Variants in DIAPH2 observed in about 807,000 individuals in gnomAD.
The protein encoded by DIAPH2 is diaphanous related formin 2.
In DIAPH2, 35 loss-of-function variants were observed where a neutral mutation model predicts 92.7. That is an observed-to-expected ratio of 0.38 (90% confidence interval 0.29 to 0.50). DIAPH2 has a LOEUF of 0.50. Ranked by LOEUF, DIAPH2 falls within the 20% of genes least tolerant of loss-of-function variation. The pLI is 0.94. For missense variants in DIAPH2, 701 were observed against 819.5 expected, an observed-to-expected ratio of 0.86 and a Z score of 1.77; for synonymous variants, 301 against 280.4, an observed-to-expected ratio of 1.07 and a Z score of -0.73.
intron 4 of DIAPH2, among the ~76,000 whole-genome samples, chrX:96,808,629 C>T (rs1027467635): frequency 7.2e-5 from 8 of 111,883 alleles, no homozygotes; most frequent in Admixed American, 6.6e-4. Context: ...GAGGCCTGCA[C>T]AGTAAGCAAT....
chrX:97,352,126 G>A lies in DIAPH2; in HGVS notation c.3009+3846G>A, dbSNP rs1256672779. 3.6e-5 allele frequency among the ~76,000 whole-genome samples: 4 copies of A among 111,067 alleles called. No individual in the cohort carries two copies. In the East Asian group the frequency reaches 8.4e-4, roughly 23 times the overall value. ...AAAGCATATTGGACTATAGATGGAA[G>A]CAATAAAATACCAGTAGTGCTGAGA... On this transcript the variant is annotated intron_variant, in intron 24 of 26. Coordinates refer to ENST00000324765, the MANE Select transcript of DIAPH2 (RefSeq NM_006729.5).
chrX:96,712,809 T>C (rs1004529029), intron 1 of DIAPH2, among the ~76,000 whole-genome samples: 1 of 111,667 alleles, frequency 9.0e-6, no homozygotes, highest in Admixed American at 9.5e-5. Flanking sequence ...TGATCATTGA[T>C]TTGAAAAATT....
At chrX:97,388,007 G>T (rs990573714) in intron 25 of DIAPH2, among the ~76,000 whole-genome samples, 1 of 111,718 alleles carries the variant, frequency 9.0e-6, no homozygotes, top group African/African-American at 3.3e-5. Flanking sequence ...ATCGGCTTGG[G>T]GATCATTGGT....
At chrX:96,688,576 A>T (rs140003682) in intron 1 of DIAPH2, among the ~76,000 whole-genome samples, 1,465 of 111,744 alleles carry the variant, frequency 0.013, 26 homozygotes, top group African/African-American at 0.046. Context: ...ACCTCAAGTG[A>T]TCCACCCACC....
chrX:97,172,562 A>G (rs1434698835), intron 22 of DIAPH2, among the ~76,000 whole-genome samples: 3 of 111,997 alleles, frequency 2.7e-5, no homozygotes, highest in Non-Finnish European at 3.8e-5. Flanking sequence ...GTAAGATAAA[A>G]TGTTCTTTAC....
intron 24 of DIAPH2, among the ~76,000 whole-genome samples, chrX:97,375,317 G>A (rs1159837293): frequency 4.5e-5 from 5 of 111,149 alleles, no homozygotes; most frequent in African/African-American, 9.8e-5. Context: ...TTACCTGGGC[G>A]TCGTGGTGGG....
At chrX:97,394,124 C>T (rs182666000) in intron 25 of DIAPH2, among the ~76,000 whole-genome samples, 2 of 111,777 alleles carry the variant, frequency 1.8e-5, no homozygotes, top group African/African-American at 6.5e-5. Context: ...ATTTATGTTT[C>T]TTACTGTCAT....
chrX:97,147,830 C>G, intron 22 of DIAPH2, among the ~76,000 whole-genome samples: 1 of 111,353 alleles, frequency 9.0e-6, no homozygotes, highest in East Asian at 2.8e-4. Context: ...GTTTCCATGT[C>G]ATGTTAGTTA....
intron 17 of DIAPH2, among the ~76,000 whole-genome samples, chrX:97,035,648 A>T (rs935023092): frequency 8.1e-5 from 9 of 111,738 alleles, no homozygotes; most frequent in African/African-American, 2.9e-4. Flanking sequence ...AAAGGCTTGG[A>T]TTCAGTTTGT....
At chrX:97,482,660 G>GAA (rs397932731) in intron 26 of DIAPH2, among the ~76,000 whole-genome samples, 47 of 85,511 alleles carry the variant, frequency 5.5e-4, no homozygotes, top group East Asian at 4.7e-3. Context: ...GGACCAAAAA[G>GAA]AAAAAAAAAA....
At chrX:97,382,099 T>C (rs2069555025) in intron 24 of DIAPH2, among the ~76,000 whole-genome samples, 1 of 112,027 alleles carries the variant, frequency 8.9e-6, no homozygotes, top group South Asian at 3.7e-4. Flanking sequence ...TACTTGCCTC[T>C]TTTCATGTTA....
At chrX:97,261,935 C>G in intron 23 of DIAPH2, among the ~76,000 whole-genome samples, 1 of 110,160 alleles carries the variant, frequency 9.1e-6, no homozygotes, top group Non-Finnish European at 1.9e-5. Context: ...TTCTCTGATT[C>G]ATCACACCAG....
intron 3 of DIAPH2, among the ~76,000 whole-genome samples, chrX:96,747,703 G>A (rs188386632): frequency 1.9e-3 from 212 of 111,943 alleles, no homozygotes; most frequent in Admixed American, 3.2e-3. Flanking sequence ...GTTCTCCACT[G>A]ACTGCTATTA....
At chrX:96,769,722 A>G (rs1308793770) in intron 4 of DIAPH2, among the ~76,000 whole-genome samples, 1 of 111,679 alleles carries the variant, frequency 9.0e-6, no homozygotes, top group Non-Finnish European at 1.9e-5. Flanking sequence ...ACAAGCCCAT[A>G]ATAGTGAAGG....
chrX:97,238,117 ACTGT>A (rs762000367), intron 22 of DIAPH2, among the ~76,000 whole-genome samples: 96 of 112,144 alleles, frequency 8.6e-4, no homozygotes, highest in African/African-American at 2.6e-3. Flanking sequence ...GGGCAGCTTG[ACTGT>A]CTGTCCACTA....
intron 17 of DIAPH2, among the ~76,000 whole-genome samples, chrX:97,025,892 C>G (rs1192280139): frequency 2.7e-5 from 3 of 111,434 alleles, no homozygotes; most frequent in African/African-American, 9.8e-5. Flanking sequence ...GGGAAAGAAC[C>G]TATTCTTCCT....
At chrX:97,382,321 T>A (rs1195389163) in intron 24 of DIAPH2, among the ~76,000 whole-genome samples, 1 of 112,150 alleles carries the variant, frequency 8.9e-6, no homozygotes, top group Non-Finnish European at 1.9e-5. Flanking sequence ...CCGGGTGCGG[T>A]GGCTCACGCC....
chrX:96,698,894 A>C (rs1329849955), intron 1 of DIAPH2, among the ~76,000 whole-genome samples: 1 of 107,484 alleles, frequency 9.3e-6, no homozygotes, highest in Non-Finnish European at 1.9e-5. Context: ...TGCCCCACTA[A>C]ATTTTTTTTT....
rs190283248 is a variant in DIAPH2, at chrX:97,406,590, A to G, written c.3145+22546A>G. 5.4e-3 allele frequency among the ~76,000 whole-genome samples: 604 copies of G among 111,916 alleles called. 3 individuals are homozygous for G. Among genetic ancestry groups the G allele is most frequent in the South Asian group, 0.013 (34 of 2,670 alleles). On this transcript the variant is annotated intron_variant, in intron 25 of 26. Transcript: ENST00000324765. ...AGTCCTATTGAAGACCCAGGATTCC[A>G]TACGTCGTAAGAGTATAAGTAGTGT...
Sources: gnomAD v4.1 joint callset for allele counts (sites outside exome capture counted in the v4.1 genomes callset) on GRCh38, gnomAD v4.1.1 for gene constraint, MANE v1.5 for transcripts, NCBI Gene and HGNC (gene_info 2026-07-23, HGNC 2026-07-21) for gene names.